Variants in TMA16 observed in about 807,000 individuals in gnomAD.
The protein encoded by TMA16 is translation machinery associated 16 homolog.
Under a neutral mutation model 27.1 loss-of-function variants are expected in TMA16, and 26 were observed. That is an observed-to-expected ratio of 0.96 (90% CI 0.70 to 1.33). The LOEUF is 1.33. TMA16 is among the 40% of genes most tolerant of loss of function. The pLI is 0.00. For missense variants in TMA16, 233 were observed against 241.4 expected (o/e 0.97, Z 0.23); for synonymous variants, 71 against 81.9 (o/e 0.87, Z 0.72).
intron 4 of TMA16, among the ~76,000 whole-genome samples, chr4:163,514,519 A>G (rs538863765): frequency 1.3e-5 from 2 of 152,352 alleles, no homozygotes; most frequent in South Asian, 4.1e-4. Flanking sequence ...GTGATCTGCC[A>G]GACATTTAAT....
intron 3 of TMA16, among the ~76,000 whole-genome samples, chr4:163,513,166 G>T (rs1203860432): frequency 6.6e-6 from 1 of 152,112 alleles, no homozygotes; most frequent in East Asian, 1.9e-4. Context: ...TTAGAATTAT[G>T]AAGGATTATG....
Position 163,506,610 on chromosome 4 carries a change from G to A in TMA16, c.4-423G>A, listed in dbSNP as rs1246183236. Among the ~76,000 whole-genome samples the A allele has an allele frequency of 2.6e-5, 4 of 152,158 alleles. No individual in the cohort carries two copies. The South Asian group carries it at 6.2e-4, about 24-fold the overall frequency. The stretch of plus-strand genomic sequence containing the variant: ...TTTGATTTTGCATGATTCATTGCCC[G>A]CTTTGTTCCATGTGAAACATCTACA... On this transcript the variant is annotated intron_variant, in intron 1 of 6. Coordinates refer to ENST00000358572, the MANE Select transcript of TMA16 (RefSeq NM_018352.3).
chr4:163,509,008 A>G (rs1737754515), intron 2 of TMA16, among the ~76,000 whole-genome samples: 1 of 152,214 alleles, frequency 6.6e-6, no homozygotes, highest in South Asian at 2.1e-4. Flanking sequence ...ACAATGTTCT[A>G]AATAGATTGG....
At chr4:163,511,035 TTAGG>T (rs1737784989) in intron 2 of TMA16, among the ~76,000 whole-genome samples, 1 of 152,214 alleles carries the variant, frequency 6.6e-6, no homozygotes, top group African/African-American at 2.4e-5. Context: ...TTATAAGACG[TTAGG>T]TTAACACACT....
intron 1 of TMA16, among the ~76,000 whole-genome samples, chr4:163,498,808 G>A (rs530234758): frequency 1.2e-3 from 179 of 152,194 alleles, no homozygotes; most frequent in African/African-American, 4.1e-3. Flanking sequence ...GAGGTACACA[G>A]CCTCTCCTGG....
intron 4 of TMA16, among the ~76,000 whole-genome samples, chr4:163,514,757 C>T (rs879423925): frequency 2.0e-5 from 3 of 152,226 alleles, no homozygotes; most frequent in African/African-American, 2.4e-5. Context: ...GTCAGGAAAC[C>T]GTTGAAAGGT....
intron 1 of TMA16, among the ~76,000 whole-genome samples, chr4:163,502,755 G>A (rs1026082235): frequency 6.6e-6 from 1 of 152,104 alleles, no homozygotes; most frequent in Admixed American, 6.5e-5. Context: ...AAGGAAGGAA[G>A]ATGCACTAGG....
At position 163,494,795 on chromosome 4, in the gene TMA16, C is replaced by G. The variant is rs1248659364; in HGVS notation, c.-7C>G. 4 of 1,612,624 alleles carry G rather than the reference C, an allele frequency of 2.5e-6. No individual in the cohort carries two copies. Among genetic ancestry groups the G allele is most frequent in the Non-Finnish European group, 2.5e-6 (3 of 1,180,022 alleles). On this transcript the variant is annotated 5_prime_UTR_variant, in exon 1 of 7. Coordinates refer to ENST00000358572, the MANE Select transcript of TMA16 (RefSeq NM_018352.3). ...CGGAGCTGCTCCGTGGCCACGAGGA[C>G]GTCACCATGGTGGGCCCCCTCCTGC...
chr4:163,504,588 C>G (rs1737694808), intron 1 of TMA16, among the ~76,000 whole-genome samples: 1 of 152,196 alleles, frequency 6.6e-6, no homozygotes, highest in Admixed American at 6.5e-5. Context: ...GTCTCCACCT[C>G]CGTAGTTCAA....
At chr4:163,519,210 T>C (rs1737929493) in intron 6 of TMA16, 124 bp from the exon 7 acceptor site, 2 of 835,668 alleles carry the variant, frequency 2.4e-6, no homozygotes, top group Non-Finnish European at 3.5e-6. Context: ...AATATTTTCC[T>C]TTAACGCTTT....
At position 163,512,785 on chromosome 4, in the gene TMA16, A is replaced by G. The variant is rs774955822; in HGVS notation, c.117-37A>G. The G allele has an allele frequency of 1.9e-5, 29 of 1,544,990 alleles. No individual in the cohort carries two copies. In the African/African-American group the frequency reaches 2.6e-4, roughly 14 times the overall value. ...GTCAGAGTTTTAAAACTTGCTTTGG[A>G]AATTTTCTAACACATATATTTACCT... On this transcript the variant is annotated intron_variant, in intron 2 of 6. Transcript: ENST00000358572.
rs191702329 is a variant in TMA16, at chr4:163,503,709, T to G, written c.4-3324T>G. On this transcript the variant is annotated intron_variant, in intron 1 of 6. Transcript: ENST00000358572. ...CTGGACTATTTCTGTGGTGCCAGAG[T>G]CTTTTCATAGGCATAGATATTCAAA... 3.6e-3 allele frequency among the ~76,000 whole-genome samples: 542 copies of G among 152,278 alleles called. 5 individuals carry two copies. Among genetic ancestry groups the G allele is most frequent in the African/African-American group, 0.012 (515 of 41,574 alleles).
At chr4:163,503,647 G>A (rs10517779) in intron 1 of TMA16, among the ~76,000 whole-genome samples, 16,811 of 152,240 alleles carry the variant, frequency 0.11, 1,002 homozygotes, top group African/African-American at 0.13. Flanking sequence ...TCACTGAAGA[G>A]TGTAGGGAAG....
At chr4:163,499,529 G>T (rs1375584561) in intron 1 of TMA16, among the ~76,000 whole-genome samples, 1 of 151,976 alleles carries the variant, frequency 6.6e-6, no homozygotes, top group Non-Finnish European at 1.5e-5. Context: ...TTTTATAGTT[G>T]TCCCTTGGTA....
intron 1 of TMA16, among the ~76,000 whole-genome samples, chr4:163,496,961 G>A (rs1026995728): frequency 6.6e-6 from 1 of 152,162 alleles, no homozygotes; most frequent in Non-Finnish European, 1.5e-5. Flanking sequence ...CAGGATTTTA[G>A]TATTTTTAAG....
intron 1 of TMA16, among the ~76,000 whole-genome samples, chr4:163,499,865 C>T (rs1214658659): frequency 6.6e-6 from 1 of 152,096 alleles, no homozygotes; most frequent in Non-Finnish European, 1.5e-5. Context: ...ATAGTTAATG[C>T]TAATCTAAAA....
chr4:163,501,057 A>G (rs1737643915), intron 1 of TMA16, among the ~76,000 whole-genome samples: 2 of 152,230 alleles, frequency 1.3e-5, no homozygotes, highest in Non-Finnish European at 2.9e-5. Context: ...TTTTTATTGT[A>G]GAATTGTGTC....
intron 6 of TMA16, among the ~76,000 whole-genome samples, chr4:163,517,780 A>G (rs182250766): frequency 1.8e-3 from 267 of 152,276 alleles, no homozygotes; most frequent in African/African-American, 6.2e-3. Context: ...AAAAAGAAGT[A>G]ACAGCAACAG....
At chr4:163,504,475 A>G (rs574319487) in intron 1 of TMA16, among the ~76,000 whole-genome samples, 9 of 152,122 alleles carry the variant, frequency 5.9e-5, no homozygotes, top group Admixed American at 5.2e-4. Flanking sequence ...TTCAAGGCAC[A>G]GCTGCGGAGA....
Sources: gnomAD v4.1 joint callset for allele counts (sites outside exome capture counted in the v4.1 genomes callset) on GRCh38, gnomAD v4.1.1 for gene constraint, MANE v1.5 for transcripts, NCBI Gene and HGNC (gene_info 2026-07-23, HGNC 2026-07-21) for gene names.